The following CSMD1 variants were observed in gnomAD, a reference collection of about 807,000 sequenced individuals.
CSMD1 encodes the protein CUB and Sushi multiple domains 1, also known as CUB and sushi domain-containing protein 1.
In CSMD1, 213 loss-of-function variants were observed where a neutral mutation model predicts 417.5. That is an observed-to-expected ratio of 0.51 (90% confidence interval 0.46 to 0.57). The LOEUF (loss-of-function observed/expected upper bound fraction) is 0.57, where lower values mean the gene tolerates loss of function less well. CSMD1 is among the 20% of genes least tolerant of loss of function. The pLI is 0.00. For missense variants in CSMD1, 6,923 were observed against 4,529.7 expected (o/e 1.53, Z -15.17); for synonymous variants, 2,862 against 1,736.8 (o/e 1.65, Z -16.11).
chr8:3,074,682 G>C (rs1341614862), intron 49 of CSMD1, among the ~76,000 whole-genome samples: 1 of 152,182 alleles, frequency 6.6e-6, no homozygotes, highest in African/African-American at 2.4e-5. Flanking sequence ...TTATCTAATA[G>C]TTAGAAACGA....
intron 5 of CSMD1, among the ~76,000 whole-genome samples, chr8:3,971,976 G>C (rs1412971462): frequency 1.3e-5 from 2 of 151,854 alleles, no homozygotes; most frequent in Non-Finnish European, 2.9e-5. Context: ...GGGTGATCCT[G>C]GCTCACTGCA....
At chr8:3,911,824 T>C (rs1808485298) in intron 5 of CSMD1, among the ~76,000 whole-genome samples, 1 of 152,154 alleles carries the variant, frequency 6.6e-6, no homozygotes, top group Non-Finnish European at 1.5e-5. Context: ...TTAAACTCAT[T>C]TTCTTAGACT....
chr8:4,484,672 T>C (rs1377006887), intron 2 of CSMD1, among the ~76,000 whole-genome samples: 1 of 151,214 alleles, frequency 6.6e-6, no homozygotes, highest in African/African-American at 2.4e-5. Context: ...TGGGAAGATA[T>C]TGAAAGAGGA....
chr8:4,049,215 T>C (rs745790146), intron 3 of CSMD1, among the ~76,000 whole-genome samples: 2 of 152,118 alleles, frequency 1.3e-5, no homozygotes, highest in Non-Finnish European at 2.9e-5. Context: ...TCTATTCTGA[T>C]ACCATATGTA....
chr8:3,890,590 T>A (rs1806902360), intron 5 of CSMD1, among the ~76,000 whole-genome samples: 1 of 152,108 alleles, frequency 6.6e-6, no homozygotes, highest in Admixed American at 6.6e-5. Context: ...TTATGCCGAT[T>A]TCAGGAAATA....
intron 1 of CSMD1, among the ~76,000 whole-genome samples, chr8:4,811,651 C>G (rs1197409584): frequency 6.6e-6 from 1 of 151,774 alleles, no homozygotes. Flanking sequence ...CATAACTGGA[C>G]TTTTTAAGTT....
chr8:4,463,774 T>G (rs186214322), intron 2 of CSMD1, among the ~76,000 whole-genome samples: 1 of 152,128 alleles, frequency 6.6e-6, no homozygotes, highest in Non-Finnish European at 1.5e-5. Flanking sequence ...TGGGTACTAA[T>G]GGATACTGGG....
At chr8:3,213,593 G>T (rs985262987) in intron 30 of CSMD1, among the ~76,000 whole-genome samples, 5 of 151,780 alleles carry the variant, frequency 3.3e-5, no homozygotes, top group African/African-American at 1.2e-4. Flanking sequence ...TTGCTGTTTT[G>T]GGGGGAAATG....
At chr8:4,798,911 T>C (rs1798128703) in intron 1 of CSMD1, among the ~76,000 whole-genome samples, 1 of 152,152 alleles carries the variant, frequency 6.6e-6, no homozygotes, top group South Asian at 2.1e-4. Context: ...AAAGTAAAAA[T>C]TCAGCAACTG....
At chr8:4,782,290 G>C (rs187642995) in intron 1 of CSMD1, among the ~76,000 whole-genome samples, 4 of 152,284 alleles carry the variant, frequency 2.6e-5, no homozygotes, top group Admixed American at 1.3e-4. Context: ...AAACCTTTGA[G>C]ATGATGAATA....
intron 49 of CSMD1, among the ~76,000 whole-genome samples, chr8:3,055,485 G>C (rs910100304): frequency 6.6e-6 from 1 of 152,154 alleles, no homozygotes; most frequent in Non-Finnish European, 1.5e-5. Context: ...ACTAAAATCA[G>C]GCTCATGGGA....
chr8:4,131,863 C>T (rs755257762), intron 3 of CSMD1, among the ~76,000 whole-genome samples: 1 of 146,458 alleles, frequency 6.8e-6, no homozygotes, highest in African/African-American at 2.5e-5. Context: ...CCCAGGTTCA[C>T]GCCATTCTCC....
At chr8:4,162,232 T>C (rs1033783566) in intron 3 of CSMD1, among the ~76,000 whole-genome samples, 5 of 152,226 alleles carry the variant, frequency 3.3e-5, no homozygotes, top group Admixed American at 1.3e-4. Flanking sequence ...GTTACCAGTA[T>C]TCATCTAAGA....
At chr8:3,658,450 A>G (rs1033906781) in intron 7 of CSMD1, among the ~76,000 whole-genome samples, 3 of 112,380 alleles carry the variant, frequency 2.7e-5, no homozygotes, top group Middle Eastern at 4.4e-3. Flanking sequence ...ACATATATCT[A>G]TAATATATAT....
chr8:4,233,478 G>A (rs558098744), intron 3 of CSMD1, among the ~76,000 whole-genome samples: 2 of 152,294 alleles, frequency 1.3e-5, no homozygotes, highest in South Asian at 4.1e-4. Context: ...CTTTGATTAG[G>A]AAGAAGGAGC....
intron 7 of CSMD1, among the ~76,000 whole-genome samples, chr8:3,702,460 C>A (rs141991484): frequency 1.2e-3 from 188 of 152,326 alleles, no homozygotes; most frequent in Middle Eastern, 3.4e-3. Flanking sequence ...ACATTGAGAG[C>A]TGCTAAAACT....
chr8:4,750,161 A>G lies in CSMD1; in HGVS notation c.86-112603T>C, dbSNP rs1008740437. ...GCTGGGACTACAGGCGCCCGCCACCACGCCCGGCTAATTTTTTTTGTATTT... is the reference window on the plus strand; with the variant it reads ...GCTGGGACTACAGGCGCCCGCCACCGCGCCCGGCTAATTTTTTTTGTATTT... On this transcript the variant is annotated intron_variant, in intron 1 of 69. Transcript: ENST00000635120. Among the ~76,000 whole-genome samples, 16 of 151,926 alleles carry G rather than the reference A, an allele frequency of 1.1e-4. No homozygotes were observed. The South Asian group carries it at 2.3e-3, about 22-fold the overall frequency.
intron 5 of CSMD1, among the ~76,000 whole-genome samples, chr8:3,758,926 G>T (rs886260682): frequency 6.6e-6 from 1 of 152,178 alleles, no homozygotes; most frequent in African/African-American, 2.4e-5. Flanking sequence ...CCAGGTAGAA[G>T]AGCCTGTGGA....
chr8:4,314,767 A>T (rs1465867260), intron 3 of CSMD1, among the ~76,000 whole-genome samples: 1 of 152,200 alleles, frequency 6.6e-6, no homozygotes, highest in Non-Finnish European at 1.5e-5. Flanking sequence ...TCTTCTAATG[A>T]TTTATCCTCA....
Sources: gnomAD v4.1 joint callset for allele counts (sites outside exome capture counted in the v4.1 genomes callset) on GRCh38, gnomAD v4.1.1 for gene constraint, MANE v1.5 for transcripts, NCBI Gene and HGNC (gene_info 2026-07-23, HGNC 2026-07-21) for gene names.